Variants in HOXD13 observed in about 807,000 individuals in gnomAD.
The protein encoded by HOXD13 is homeobox protein Hox-D13.
A neutral mutation model predicts 27.3 loss-of-function variants in HOXD13; 16 were observed. The ratio of observed to expected loss-of-function variants is 0.59; its 90% CI spans 0.40 to 0.89. The LOEUF (loss-of-function observed/expected upper bound fraction) is 0.89, where lower values mean the gene tolerates loss of function less well. HOXD13 is among the 40% of genes least tolerant of loss of function. The pLI, the probability that HOXD13 is intolerant of heterozygous loss-of-function variation, is 0.00. For missense variants in HOXD13, 481 were observed against 482.6 expected (o/e 1.00, Z 0.03); for synonymous variants, 241 against 219.0 (o/e 1.10, Z -0.89).
At position 176,094,803 on chromosome 2, in the gene HOXD13, A is replaced by C. The variant is rs2105380007; in HGVS notation, c.*73A>C. ...CCAAAAGGCCTTTGGAAAGACTTGAATATGTATTTAATTCCCCCCACCCCC... is the reference window on the plus strand; with the variant it reads ...CCAAAAGGCCTTTGGAAAGACTTGACTATGTATTTAATTCCCCCCACCCCC... On this transcript the variant is annotated 3_prime_UTR_variant, in exon 2 of 2. Coordinates refer to ENST00000392539, the MANE Select transcript of HOXD13 (RefSeq NM_000523.4). 1 of 1,351,698 alleles carries C rather than the reference A, an allele frequency of 7.4e-7. No homozygotes were observed. Among genetic ancestry groups the C allele is most frequent in the Non-Finnish European group, 1.1e-6 (1 of 942,588 alleles). The allele number at this position is 1,351,698 out of a possible 1,614,324, so 83.7% of individuals were successfully genotyped here. A position where few individuals can be genotyped will look rare whatever the true frequency, so the allele number is the denominator to read the frequency against.
rs1478428517 is a variant in HOXD13, at chr2:176,095,018, A to C, written c.*288A>C. 1 of 407,246 alleles carries C rather than the reference A, an allele frequency of 2.5e-6. No homozygotes were observed. The highest frequency in any genetic ancestry group is 2.0e-5 in the African/African-American group (1 of 49,928). The allele number at this position is 407,246 out of a possible 1,614,324, so 25.2% of individuals were successfully genotyped here. A position where few individuals can be genotyped will look rare whatever the true frequency, so the allele number is the denominator to read the frequency against. ...TCTCCCTCCAGGCCAGTATAAAGGG[A>C]CTTGAAGTATTTTTTAATAATCCGC... is the stretch of plus-strand genomic sequence containing the variant. On this transcript the variant is annotated 3_prime_UTR_variant, in exon 2 of 2. Transcript: ENST00000392539.
upstream of HOXD13, among the ~76,000 whole-genome samples, chr2:176,088,095 T>C (rs570818428): frequency 1.4e-4 from 21 of 152,332 alleles, 1 homozygote; most frequent in South Asian, 2.7e-3. Flanking sequence ...CAACTTGCGG[T>C]CCCGCCTTGG....
rs1205745904 is a variant in HOXD13, at chr2:176,094,620, C to T, written c.922C>T (p.Arg308Cys). The T allele has an allele frequency of 1.2e-5, 20 of 1,613,868 alleles. No homozygotes were observed. The African/African-American group carries it at 1.5e-4, about 12-fold the overall frequency. The change falls in exon 2 of 2, where the codon CGT (arginine) becomes TGT (cysteine). Residue 308 changes from arginine to cysteine, a missense_variant. Coordinates refer to ENST00000392539, the MANE Select transcript of HOXD13 (RefSeq NM_000523.4). ...ATTCATTAACAAGGACAAGCGGCGG[C>T]GTATCTCGGCTGCTACGAACCTATC... ...NKFINKDKRR[R>C]ISAATNLSER... is the part of the protein sequence containing the mutation.
the HOXD13 span, among the ~76,000 whole-genome samples, chr2:176,087,523 G>A: frequency 6.6e-5 from 10 of 152,232 alleles, no homozygotes; most frequent in Middle Eastern, 3.2e-3. Context: ...CCAAAGTGCT[G>A]GGATTATAGG....
chr2:176,088,218 C>T (rs143533320), upstream of HOXD13, among the ~76,000 whole-genome samples: 186 of 152,360 alleles, frequency 1.2e-3, no homozygotes, highest in East Asian at 0.016. Flanking sequence ...GCGGTTTCCA[C>T]GGGTGCAGGT....
upstream of HOXD13, among the ~76,000 whole-genome samples, chr2:176,089,975 A>G (rs1236468290): frequency 1.3e-5 from 2 of 152,238 alleles, no homozygotes; most frequent in African/African-American, 4.8e-5. Flanking sequence ...ACTGATTCCC[A>G]GTAAGTTTAA....
chr2:176,093,713 A>C (rs2105379318), intron 1 of HOXD13, 42 bp downstream of exon 1: 1 of 1,316,210 alleles, frequency 7.6e-7, no homozygotes, highest in East Asian at 2.3e-5. Flanking sequence ...AGGGAGGGGG[A>C]GAGAGAAGGA....
upstream of HOXD13, among the ~76,000 whole-genome samples, chr2:176,090,381 C>T (rs1574941655): frequency 6.6e-6 from 1 of 152,356 alleles, no homozygotes; most frequent in Non-Finnish European, 1.5e-5. Context: ...AGCAGAGCCA[C>T]CATTGAGAAA....
Position 176,094,481 on chromosome 2 carries a change from G to A in HOXD13, c.783G>A (p.Gly261=). ...GSHFWKSSFP[G]DVALNQPDMC... ...TTCTTGTGCTTTTGTTTGTATCAGGGGATGTGGCTCTAAATCAGCCGGACA... is the reference window on the plus strand; with the variant it reads ...TTCTTGTGCTTTTGTTTGTATCAGGAGATGTGGCTCTAAATCAGCCGGACA... The change falls in exon 2 of 2, where the codon GGG becomes GGA. Residue 261 remains glycine, a splice_region_variant and synonymous_variant. Transcript: ENST00000392539. 1.2e-6 allele frequency: 2 copies of A among 1,613,986 alleles called. No individual in the cohort carries two copies. The highest frequency in any genetic ancestry group is 1.7e-4 in the Middle Eastern group (1 of 6,060).
upstream of HOXD13, among the ~76,000 whole-genome samples, chr2:176,092,391 G>C (rs1689332569): frequency 1.3e-5 from 2 of 149,448 alleles, no homozygotes; most frequent in Non-Finnish European, 3.0e-5. Context: ...CTTGGCGCCC[G>C]CCTCAGTCGC....
chr2:176,095,512 A>G lies in HOXD13; in HGVS notation c.*782A>G, dbSNP rs1395814482. The G allele has an allele frequency of 8.7e-6, 2 of 229,280 alleles. No individual in the cohort carries two copies. The highest frequency in any genetic ancestry group is 6.2e-5 in the East Asian group (1 of 16,030). 14.2% of individuals were successfully genotyped at this position (229,280 alleles called of 1,614,324 possible). ...CAATGCAGACATTTAAATGGCTGCA[A>G]TCAGTAGAGTGACCCGCGGATGGCA... is the stretch of plus-strand genomic sequence containing the variant. On this transcript the variant is annotated 3_prime_UTR_variant, in exon 2 of 2. Transcript: ENST00000392539.
At position 176,093,622 on chromosome 2, in the gene HOXD13, C is replaced by G; in HGVS notation, c.732C>G (p.Cys244Trp). 1 of 1,610,234 alleles carries G rather than the reference C, an allele frequency of 6.2e-7. No homozygotes were observed. Among genetic ancestry groups the G allele is most frequent in the Non-Finnish European group, 8.5e-7 (1 of 1,177,344 alleles). The change falls in exon 1 of 2, where the codon TGC (cysteine) becomes TGG (tryptophan). Residue 244 changes from cysteine (C) to tryptophan (W), a missense_variant. Coordinates refer to ENST00000392539, the MANE Select transcript of HOXD13 (RefSeq NM_000523.4). ...LANGWNSQVY[C>W]TKDQPQGSHF... is the part of the protein sequence containing the mutation. ...ACGGGTGGAACAGCCAGGTGTACTG[C>G]ACCAAGGACCAGCCACAGGGGTCCC...
At chr2:176,091,817 C>T (rs550531830), upstream of HOXD13, among the ~76,000 whole-genome samples, 1 of 151,702 alleles carries the variant, frequency 6.6e-6, no homozygotes, top group African/African-American at 2.4e-5. Context: ...CGAGGCCGGT[C>T]GGCTGCTGGA....
Position 176,093,645 on chromosome 2 carries a change from C to T in HOXD13, c.755C>T (p.Ser252Phe), listed in dbSNP as rs556455717. Residue 252 changes from serine (S) to phenylalanine (F), a missense_variant, in exon 1 of 2, where the codon TCC (serine) becomes TTC (phenylalanine). Transcript: ENST00000392539. ...VYCTKDQPQG[S>F]HFWKSSFPGD... Reference sequence around the variant, plus strand: ...TGCACCAAGGACCAGCCACAGGGGTCCCACTTTTGGAAATCTTCCTTTCCA... The same window carrying T: ...TGCACCAAGGACCAGCCACAGGGGTTCCACTTTTGGAAATCTTCCTTTCCA... 14 of 1,599,608 alleles carry T rather than the reference C, an allele frequency of 8.8e-6. No individual in the cohort carries two copies. In the Admixed American group the frequency reaches 1.0e-4, roughly 12 times the overall value.
upstream of HOXD13, among the ~76,000 whole-genome samples, chr2:176,090,033 ACCTGGCATC>A: frequency 6.6e-6 from 1 of 152,192 alleles, no homozygotes; most frequent in Non-Finnish European, 1.5e-5. Context: ...TTCCTCCTCT[ACCTGGCATC>A]CCTGGCTTGT....
upstream of HOXD13, among the ~76,000 whole-genome samples, chr2:176,091,339 G>A (rs537275586): frequency 1.1e-4 from 17 of 152,214 alleles, no homozygotes; most frequent in African/African-American, 4.1e-4. Flanking sequence ...GAACCAAATG[G>A]GCTCTGAAGG....
In HOXD13 at chr2:176,094,579, A is replaced by C. The variant is rs758726777; in HGVS notation, c.881A>C (p.Glu294Ala). Residue 294 changes from glutamate (E) to alanine (A), a missense_variant, in exon 2 of 2, where the codon GAG (glutamate) becomes GCG (alanine). By Grantham distance (107) the Glu-to-Ala change is moderately radical. Coordinates refer to ENST00000392539, the MANE Select transcript of HOXD13 (RefSeq NM_000523.4). The part of the protein sequence containing the change: ...TKLQLKELEN[E>A]YAINKFINKD... ...CTGCAGCTTAAAGAACTGGAGAACG[A>C]GTATGCCATTAACAAATTCATTAAC... 6.2e-7 allele frequency: 1 copy of C among 1,614,168 alleles called. No individual in the cohort carries two copies. The highest frequency in any genetic ancestry group is 8.5e-7 in the Non-Finnish European group (1 of 1,179,990).
upstream of HOXD13, among the ~76,000 whole-genome samples, chr2:176,092,275 T>C (rs1048579240): frequency 6.6e-6 from 1 of 152,210 alleles, no homozygotes; most frequent in African/African-American, 2.4e-5. Flanking sequence ...TGGGCCTGTT[T>C]TCACATCATT....
In HOXD13 at chr2:176,092,783, G is replaced by A; in HGVS notation, c.-108G>A. ...GAGGGAGAGAGGGCTAGAGGAAGAGGGCGGGAGCGAGCGAACCAGAGAGAA... is the reference window on the plus strand; with the variant it reads ...GAGGGAGAGAGGGCTAGAGGAAGAGAGCGGGAGCGAGCGAACCAGAGAGAA... On this transcript the variant is annotated 5_prime_UTR_variant, in exon 1 of 2. Transcript: ENST00000392539. 1.4e-6 allele frequency: 1 copy of A among 698,668 alleles called. No individual in the cohort carries two copies. Among genetic ancestry groups the A allele is most frequent in the Non-Finnish European group, 2.0e-6 (1 of 509,688 alleles). The allele number at this position is 698,668 out of a possible 1,614,324, so 43.3% of individuals were successfully genotyped here. A position where few individuals can be genotyped will look rare whatever the true frequency, so the allele number is the denominator to read the frequency against.
Sources: gnomAD v4.1 joint callset for allele counts (sites outside exome capture counted in the v4.1 genomes callset) on GRCh38, gnomAD v4.1.1 for gene constraint, MANE v1.5 for transcripts, NCBI Gene and HGNC (gene_info 2026-07-23, HGNC 2026-07-21) for gene names.